Variants in NKAIN2 observed in about 807,000 individuals in gnomAD.
The protein encoded by NKAIN2 is sodium/potassium transporting ATPase interacting 2, also known as sodium/potassium-transporting ATPase subunit beta-1-interacting protein 2.
NKAIN2 carries 14 observed loss-of-function variants against 32.6 expected under a neutral mutation model. The ratio of observed to expected loss-of-function variants is 0.43; its 90% CI spans 0.28 to 0.67. The LOEUF (loss-of-function observed/expected upper bound fraction) is 0.67. NKAIN2 is among the 30% of genes least tolerant of loss of function. The pLI is 0.17. For missense variants in NKAIN2, 198 were observed against 258.3 expected, an observed-to-expected ratio of 0.77 and a Z score of 1.60; for synonymous variants, 80 against 87.2, an observed-to-expected ratio of 0.92 and a Z score of 0.46.
intron 3 of NKAIN2, among the ~76,000 whole-genome samples, chr6:124,372,733 C>G (rs890385405): frequency 6.6e-6 from 1 of 152,046 alleles, no homozygotes; most frequent in Non-Finnish European, 1.5e-5. Context: ...GGCAAATATT[C>G]TTTTTCATTA....
At chr6:124,077,627 A>T (rs1183147796) in intron 1 of NKAIN2, among the ~76,000 whole-genome samples, 1 of 151,980 alleles carries the variant, frequency 6.6e-6, no homozygotes, top group Non-Finnish European at 1.5e-5. Context: ...CCAAATTTTT[A>T]AATTCTTTTT....
At chr6:124,535,940 T>C (rs558855382) in intron 3 of NKAIN2, among the ~76,000 whole-genome samples, 1 of 152,330 alleles carries the variant, frequency 6.6e-6, no homozygotes, top group African/African-American at 2.4e-5. Context: ...TGAATCATTA[T>C]TCTACTTTTC....
intron 3 of NKAIN2, among the ~76,000 whole-genome samples, chr6:124,655,133 A>G (rs1347725927): frequency 6.6e-6 from 1 of 152,114 alleles, no homozygotes; most frequent in Non-Finnish European, 1.5e-5. Flanking sequence ...TGAAATATTT[A>G]TATAATTGTT....
chr6:124,673,073 C>T (rs531399396), intron 4 of NKAIN2, among the ~76,000 whole-genome samples: 6 of 152,038 alleles, frequency 3.9e-5, no homozygotes, highest in Non-Finnish European at 7.4e-5. Context: ...CTGGCACCCA[C>T]CATCATACTC....
chr6:123,810,687 T>C (rs1309181927), intron 1 of NKAIN2, among the ~76,000 whole-genome samples: 1 of 152,158 alleles, frequency 6.6e-6, no homozygotes, highest in Non-Finnish European at 1.5e-5. Context: ...AACCACTCCT[T>C]GATGAATGGC....
chr6:124,442,905 A>G (rs1023211286), intron 3 of NKAIN2, among the ~76,000 whole-genome samples: 5 of 152,124 alleles, frequency 3.3e-5, no homozygotes, highest in Non-Finnish European at 7.4e-5. Context: ...GTTTGTCCCA[A>G]GGAGCAGGGC....
At chr6:124,169,119 A>G (rs1417307792) in intron 1 of NKAIN2, among the ~76,000 whole-genome samples, 2 of 152,176 alleles carry the variant, frequency 1.3e-5, no homozygotes, top group Non-Finnish European at 2.9e-5. Context: ...ATATATGTAC[A>G]TTTAAATTTT....
chr6:124,351,959 G>T (rs936638705), intron 2 of NKAIN2, among the ~76,000 whole-genome samples: 1 of 151,978 alleles, frequency 6.6e-6, no homozygotes, highest in African/African-American at 2.4e-5. Flanking sequence ...ATGATGATGT[G>T]ACATAATCAT....
intron 2 of NKAIN2, among the ~76,000 whole-genome samples, chr6:124,331,379 A>AAAAAAG (rs1797651235): frequency 7.9e-6 from 1 of 126,738 alleles, no homozygotes; most frequent in Non-Finnish European, 1.7e-5. Flanking sequence ...AAAAAAAAAA[A>AAAAAAG]CTAGCTGGGC....
chr6:124,795,353 G>A lies in NKAIN2; in HGVS notation c.535+3954G>A, dbSNP rs1345951195. 2.6e-5 allele frequency among the ~76,000 whole-genome samples: 4 copies of A among 152,122 alleles called. No individual in the cohort carries two copies. In the East Asian group the frequency reaches 5.8e-4, roughly 22 times the overall value. On this transcript the variant is annotated intron_variant, in intron 5 of 6. Coordinates refer to ENST00000368417, the MANE Select transcript of NKAIN2 (RefSeq NM_001040214.3). The stretch of plus-strand genomic sequence containing the variant: ...ATCCAGGAAACTTCAGAGGAAAGAG[G>A]CAGAAACCTCCAGGAAGCAATGGAG...
chr6:123,856,716 A>G (rs1402797825), intron 1 of NKAIN2, among the ~76,000 whole-genome samples: 1 of 152,182 alleles, frequency 6.6e-6, no homozygotes, highest in Non-Finnish European at 1.5e-5. Context: ...CTTGTTAAAC[A>G]TTCAGATTTG....
intron 1 of NKAIN2, among the ~76,000 whole-genome samples, chr6:123,812,927 C>A (rs368239032): frequency 2.6e-5 from 4 of 152,344 alleles, no homozygotes; most frequent in South Asian, 4.1e-4. Flanking sequence ...CTGTATTATT[C>A]TAATTACACA....
chr6:124,261,199 T>G (rs1472861355), intron 1 of NKAIN2, among the ~76,000 whole-genome samples: 2 of 152,204 alleles, frequency 1.3e-5, no homozygotes. Context: ...AATAAACAGA[T>G]AAGCTGTGAT....
At chr6:124,258,773 A>G (rs929555214) in intron 1 of NKAIN2, among the ~76,000 whole-genome samples, 10 of 152,358 alleles carry the variant, frequency 6.6e-5, no homozygotes, top group African/African-American at 2.4e-4. Context: ...CACTTTCTAC[A>G]GAACAACTTA....
At chr6:124,751,021 C>G (rs1438549820) in intron 4 of NKAIN2, among the ~76,000 whole-genome samples, 1 of 152,028 alleles carries the variant, frequency 6.6e-6, no homozygotes, top group Non-Finnish European at 1.5e-5. Flanking sequence ...GTTTCACCAG[C>G]CAACCTAAAT....
At position 124,482,359 on chromosome 6, in the gene NKAIN2, T is replaced by C. The variant is rs566065079; in HGVS notation, c.273+127012T>C. Among the ~76,000 whole-genome samples, 17 of 152,258 alleles carry C rather than the reference T, an allele frequency of 1.1e-4. No homozygotes were observed. In the East Asian group the frequency reaches 3.1e-3, roughly 28 times the overall value. ...TTTCTAAAATGTGCAATAAAATTCC[T>C]TTATAATTCAATAAAGATAAGAGAT... On this transcript the variant is annotated intron_variant, in intron 3 of 6. Coordinates refer to ENST00000368417, the MANE Select transcript of NKAIN2 (RefSeq NM_001040214.3).
At chr6:124,426,835 C>A (rs187952785) in intron 3 of NKAIN2, among the ~76,000 whole-genome samples, 1 of 152,102 alleles carries the variant, frequency 6.6e-6, no homozygotes. Context: ...GTAAGTCTCA[C>A]GAGATCTGAT....
At chr6:124,041,403 T>C (rs780430163) in intron 1 of NKAIN2, among the ~76,000 whole-genome samples, 11 of 152,100 alleles carry the variant, frequency 7.2e-5, no homozygotes, top group Non-Finnish European at 1.5e-4. Flanking sequence ...AAATTGAGTT[T>C]GTTCAAACTA....
chr6:124,810,365 C>A (rs1780834302), intron 5 of NKAIN2, among the ~76,000 whole-genome samples: 3 of 151,952 alleles, frequency 2.0e-5, no homozygotes, highest in African/African-American at 4.8e-5. Flanking sequence ...TCATCATTCT[C>A]AGTAAACTAT....
Sources: gnomAD v4.1 joint callset for allele counts (sites outside exome capture counted in the v4.1 genomes callset) on GRCh38, gnomAD v4.1.1 for gene constraint, MANE v1.5 for transcripts, NCBI Gene and HGNC (gene_info 2026-07-23, HGNC 2026-07-21) for gene names.